CHRM5: variants seen among roughly 807,000 people sequenced by gnomAD.
CHRM5 encodes the protein muscarinic acetylcholine receptor M5.
In CHRM5, 18 loss-of-function variants were observed where a neutral mutation model predicts 39.0. The ratio of observed to expected loss-of-function variants is 0.46; its 90% CI spans 0.32 to 0.68. The LOEUF is 0.68. Among genes scored for constraint, CHRM5 ranks in the 30% least tolerant of loss-of-function variants. The pLI, the probability that CHRM5 is intolerant of heterozygous loss-of-function variation, is 0.04. For synonymous variants in CHRM5, 241 were observed against 246.3 expected (o/e 0.98, Z 0.20); for missense variants, 515 against 651.1 (o/e 0.79, Z 2.28).
At chr15:34,015,247 G>C (rs1463743937) in intron 1 of CHRM5, among the ~76,000 whole-genome samples, 1 of 152,234 alleles carries the variant, frequency 6.6e-6, no homozygotes, top group East Asian at 1.9e-4. Context: ...ACTTTCGGAG[G>C]CCAAGGCAGG....
chr15:34,022,376 A>C (rs1898239973), intron 1 of CHRM5, among the ~76,000 whole-genome samples: 1 of 152,218 alleles, frequency 6.6e-6, no homozygotes, highest in Non-Finnish European at 1.5e-5. Context: ...TGTGACCTTT[A>C]GGAAGCTCTC....
intron 1 of CHRM5, among the ~76,000 whole-genome samples, chr15:34,004,922 G>A (rs988656143): frequency 1.3e-5 from 2 of 151,854 alleles, no homozygotes; most frequent in African/African-American, 4.8e-5. Context: ...AAAAAAATGA[G>A]TAAAATTATT....
intron 1 of CHRM5, among the ~76,000 whole-genome samples, chr15:34,025,973 T>C (rs1355761788): frequency 6.6e-6 from 1 of 152,208 alleles, no homozygotes; most frequent in Non-Finnish European, 1.5e-5. Flanking sequence ...ATTTTTATAA[T>C]CACAATATAT....
chr15:34,020,498 C>A (rs1418251887), intron 1 of CHRM5, among the ~76,000 whole-genome samples: 1 of 152,084 alleles, frequency 6.6e-6, no homozygotes, highest in Non-Finnish European at 1.5e-5. Flanking sequence ...CCTCTAAGCA[C>A]CTATCCTTGT....
chr15:33,982,372 C>T (rs1896189598), intron 1 of CHRM5, among the ~76,000 whole-genome samples: 2 of 151,698 alleles, frequency 1.3e-5, no homozygotes, highest in South Asian at 2.1e-4. Flanking sequence ...AGTAATGACC[C>T]CAAGAATTAC....
At chr15:33,988,014 A>G (rs1315181058) in intron 1 of CHRM5, among the ~76,000 whole-genome samples, 1 of 152,094 alleles carries the variant, frequency 6.6e-6, no homozygotes, top group East Asian at 1.9e-4. Context: ...AGGCCAAAAG[A>G]CTCACCCTCC....
intron 1 of CHRM5, among the ~76,000 whole-genome samples, chr15:34,015,487 A>AT (rs1200249699): frequency 6.8e-6 from 1 of 146,622 alleles, no homozygotes; most frequent in African/African-American, 2.6e-5. Flanking sequence ...ATCTCAAAAA[A>AT]TAAAAAAAAA....
chr15:34,031,451 G>A (rs772108743), intron 1 of CHRM5, among the ~76,000 whole-genome samples: 9 of 151,922 alleles, frequency 5.9e-5, no homozygotes, highest in Non-Finnish European at 1.2e-4. Context: ...CTGGGATTAC[G>A]GGCATGAGCC....
intron 1 of CHRM5, among the ~76,000 whole-genome samples, chr15:33,983,704 T>C (rs1215864377): frequency 1.3e-5 from 2 of 152,154 alleles, no homozygotes; most frequent in Non-Finnish European, 2.9e-5. Flanking sequence ...CAGGACTTAG[T>C]GACTCGCTGC....
intron 1 of CHRM5, among the ~76,000 whole-genome samples, chr15:34,041,138 C>T (rs1305086778): frequency 6.6e-6 from 1 of 151,968 alleles, no homozygotes; most frequent in Non-Finnish European, 1.5e-5. Flanking sequence ...TTATCCTGTG[C>T]ATTGTAGAAT....
chr15:34,062,755 A>T lies in CHRM5; in HGVS notation c.38A>T (p.Asn13Ile), dbSNP rs767530640. The T allele has an allele frequency of 6.2e-7, 1 of 1,613,574 alleles. No individual in the cohort carries two copies. The highest frequency in any genetic ancestry group is 8.5e-7 in the Non-Finnish European group (1 of 1,179,714). ...TCTTACCACAATGCAACCACCGTCA[A>T]TGGCACCCCAGTAAATCACCAGCCT... ...GDSYHNATTV[N>I]GTPVNHQPLE... Residue 13 changes from asparagine (N) to isoleucine (I), a missense_variant, in exon 3 of 3, where the codon AAT becomes ATT. Transcript: ENST00000383263.
At chr15:34,042,869 T>G (rs1899527767) in intron 1 of CHRM5, among the ~76,000 whole-genome samples, 5 of 152,134 alleles carry the variant, frequency 3.3e-5, no homozygotes, top group Admixed American at 2.0e-4. Flanking sequence ...AACCTGCCAG[T>G]TGATTCTGAT....
At chr15:34,039,053 G>T (rs1220087643) in intron 1 of CHRM5, 6 of 1,100,422 alleles carry the variant, frequency 5.5e-6, no homozygotes, top group Admixed American at 5.2e-5. Context: ...GCATCTGGCC[G>T]CCGCTGGCGG....
At chr15:34,052,238 GAA>G (rs369505121) in intron 2 of CHRM5, among the ~76,000 whole-genome samples, 1 of 151,140 alleles carries the variant, frequency 6.6e-6, no homozygotes, top group Non-Finnish European at 1.5e-5. Context: ...CAGAACTAAA[GAA>G]AAAAAACCAC....
At chr15:34,013,254 GT>G (rs1897717279) in intron 1 of CHRM5, among the ~76,000 whole-genome samples, 2 of 152,154 alleles carry the variant, frequency 1.3e-5, no homozygotes, top group Admixed American at 6.5e-5. Flanking sequence ...CAGAGGTGGG[GT>G]TTCACCATGT....
At chr15:33,988,997 A>G (rs1187045872) in intron 1 of CHRM5, among the ~76,000 whole-genome samples, 1 of 152,150 alleles carries the variant, frequency 6.6e-6, no homozygotes, top group Non-Finnish European at 1.5e-5. Context: ...GGAAAACACA[A>G]ATTATTAAAC....
At position 34,056,775 on chromosome 15, in the gene CHRM5, G is replaced by A. The variant is rs564926807; in HGVS notation, c.-75-5868G>A. 2.0e-5 allele frequency among the ~76,000 whole-genome samples: 3 copies of A among 152,254 alleles called. No homozygotes were observed. The East Asian group carries it at 5.8e-4, about 29-fold the overall frequency. ...AGGTGTGATGTAATCCCAGCACTTT[G>A]GAAGGTTGAGGCAGGCAGATCACTT... On this transcript the variant is annotated intron_variant, in intron 2 of 2. Transcript: ENST00000383263.
chr15:34,029,543 T>C (rs1015070380), intron 1 of CHRM5, among the ~76,000 whole-genome samples: 2 of 132,832 alleles, frequency 1.5e-5, no homozygotes, highest in South Asian at 2.4e-4. Context: ...AAAAAAAAAT[T>C]GAAAAGGAAA....
intron 1 of CHRM5, chr15:34,038,696 T>C (rs970143288): frequency 4.8e-5 from 52 of 1,086,574 alleles, no homozygotes; most frequent in South Asian, 9.0e-5. Flanking sequence ...CCTGGCACGC[T>C]CTCTTGCGGC....
Sources: gnomAD v4.1 joint callset for allele counts (sites outside exome capture counted in the v4.1 genomes callset) on GRCh38, gnomAD v4.1.1 for gene constraint, MANE v1.5 for transcripts, NCBI Gene and HGNC (gene_info 2026-07-23, HGNC 2026-07-21) for gene names.